SGCZ: variants seen among roughly 807,000 people sequenced by gnomAD.
The protein encoded by SGCZ is zeta-sarcoglycan.
In SGCZ, 40 loss-of-function variants were observed where a neutral mutation model predicts 41.3. That is an observed-to-expected ratio of 0.97 (90% CI 0.75 to 1.26). The LOEUF (loss-of-function observed/expected upper bound fraction) is 1.26, where lower values mean the gene tolerates loss of function less well. Ranked by LOEUF, SGCZ falls within the 50% of genes most tolerant of loss-of-function variation. The pLI, the probability that SGCZ is intolerant of heterozygous loss-of-function variation, is 0.00. For missense variants in SGCZ, 552 were observed against 369.8 expected, an observed-to-expected ratio of 1.49 and a Z score of -4.04; for synonymous variants, 206 against 137.5, an observed-to-expected ratio of 1.50 and a Z score of -3.49.
At chr8:14,668,667 G>C (rs904590613) in intron 1 of SGCZ, among the ~76,000 whole-genome samples, 9 of 152,126 alleles carry the variant, frequency 5.9e-5, no homozygotes, top group Non-Finnish European at 1.2e-4. Context: ...GAAGTTATGA[G>C]GAAATATGAA....
intron 2 of SGCZ, among the ~76,000 whole-genome samples, chr8:14,347,465 TTG>T (rs1802928466): frequency 6.6e-6 from 1 of 152,094 alleles, no homozygotes. Flanking sequence ...CTTCAGGAAA[TTG>T]TGTGACTTTT....
At chr8:14,168,701 G>A (rs1175009202) in intron 4 of SGCZ, among the ~76,000 whole-genome samples, 5 of 151,996 alleles carry the variant, frequency 3.3e-5, no homozygotes, top group Admixed American at 6.6e-5. Flanking sequence ...GTGTGAAAAC[G>A]GACTAATACG....
At chr8:14,897,979 T>C (rs748179468) in intron 1 of SGCZ, among the ~76,000 whole-genome samples, 11 of 152,120 alleles carry the variant, frequency 7.2e-5, no homozygotes, top group Non-Finnish European at 1.3e-4. Flanking sequence ...ATTTTAGTGG[T>C]GAAGAAAGAC....
chr8:14,137,697 C>T (rs1292297894), intron 5 of SGCZ, among the ~76,000 whole-genome samples: 2 of 152,152 alleles, frequency 1.3e-5, no homozygotes, highest in Non-Finnish European at 2.9e-5. Context: ...ACCAAATCTA[C>T]GTCTGATTGG....
intron 1 of SGCZ, among the ~76,000 whole-genome samples, chr8:15,213,762 T>C (rs1334264009): frequency 6.6e-6 from 1 of 151,886 alleles, no homozygotes. Flanking sequence ...GATATAATAC[T>C]GTTTTATGTC....
At chr8:14,167,253 A>G (rs1258328531) in intron 4 of SGCZ, among the ~76,000 whole-genome samples, 1 of 152,136 alleles carries the variant, frequency 6.6e-6, no homozygotes, top group African/African-American at 2.4e-5. Context: ...TTTTTCATGT[A>G]ACATCACATG....
At chr8:15,165,602 T>C (rs1243957340) in intron 1 of SGCZ, among the ~76,000 whole-genome samples, 11 of 152,188 alleles carry the variant, frequency 7.2e-5, no homozygotes, top group African/African-American at 2.7e-4. Context: ...CTTACCAAGT[T>C]TTACCTTGAA....
intron 1 of SGCZ, among the ~76,000 whole-genome samples, chr8:14,671,087 T>G (rs1808086828): frequency 6.6e-6 from 1 of 152,242 alleles, no homozygotes. Context: ...CTTCAGTGTC[T>G]CTGGATTTAT....
chr8:14,774,769 A>C (rs1231800611), intron 1 of SGCZ, among the ~76,000 whole-genome samples: 2 of 152,236 alleles, frequency 1.3e-5, no homozygotes, highest in Non-Finnish European at 2.9e-5. Context: ...TATTCAAACC[A>C]ACATGAACAA....
intron 1 of SGCZ, among the ~76,000 whole-genome samples, chr8:15,010,407 T>C (rs542512145): frequency 5.3e-5 from 8 of 152,360 alleles, no homozygotes; most frequent in South Asian, 4.1e-4. Context: ...TACATTATGT[T>C]ACTATGTTTT....
intron 5 of SGCZ, among the ~76,000 whole-genome samples, chr8:14,112,099 C>G (rs553204509): frequency 6.6e-6 from 1 of 152,180 alleles, no homozygotes; most frequent in African/African-American, 2.4e-5. Context: ...ACCCAAGAAG[C>G]ACCAGAGAGA....
chr8:14,640,974 T>C (rs1274303193), intron 1 of SGCZ, among the ~76,000 whole-genome samples: 1 of 151,688 alleles, frequency 6.6e-6, no homozygotes, highest in African/African-American at 2.4e-5. Context: ...TTAATGTTGG[T>C]ATGAAATCTT....
intron 2 of SGCZ, among the ~76,000 whole-genome samples, chr8:14,477,988 CAAGT>C (rs1226030230): frequency 6.6e-6 from 1 of 152,084 alleles, no homozygotes; most frequent in Admixed American, 6.6e-5. Flanking sequence ...TTTAATTTTC[CAAGT>C]AAGTGCAGAA....
At chr8:14,594,177 AAAATAAATAAATAAATAAATAAATAAAT>A (rs147529594) in intron 1 of SGCZ, among the ~76,000 whole-genome samples, 1 of 136,186 alleles carries the variant, frequency 7.3e-6, no homozygotes, top group Non-Finnish European at 1.6e-5. Context: ...TCCATCTCAA[AAAATAAATAAATAAATAAATAAATAAAT>A]AAATAAATAA....
intron 1 of SGCZ, among the ~76,000 whole-genome samples, chr8:14,965,037 T>C (rs935376737): frequency 7.2e-5 from 11 of 152,036 alleles, no homozygotes; most frequent in Admixed American, 3.9e-4. Context: ...TGTCCCCCAT[T>C]CCCGAGGTAA....
At chr8:14,396,546 TA>T (rs1423146486) in intron 2 of SGCZ, among the ~76,000 whole-genome samples, 2 of 152,056 alleles carry the variant, frequency 1.3e-5, no homozygotes, top group Non-Finnish European at 2.9e-5. Flanking sequence ...CATAAACATG[TA>T]AACTTTCTCT....
Position 14,490,503 on chromosome 8 carries a change from T to G in SGCZ, c.234+64229A>C, listed in dbSNP as rs139709499. On this transcript the variant is annotated intron_variant, in intron 2 of 7. Transcript: ENST00000382080. The stretch of plus-strand genomic sequence containing the variant: ...GTAGGAAACACACTGCAAAATGAGG[T>G]CTGATTCTCATCCCCTTACTCTTAA... Among the ~76,000 whole-genome samples the G allele has an allele frequency of 8.9e-3, 1,349 of 152,268 alleles. 21 individuals are homozygous for G. The highest frequency in any genetic ancestry group is 0.031 in the African/African-American group (1,284 of 41,560).
rs546819340 is a variant in SGCZ, at chr8:14,738,878, T to C, written c.40-183952A>G. 3.9e-5 allele frequency among the ~76,000 whole-genome samples: 6 copies of C among 152,154 alleles called. 1 individual carries two copies. In the South Asian group the frequency reaches 1.2e-3, roughly 32 times the overall value. On this transcript the variant is annotated intron_variant, in intron 1 of 7. Coordinates refer to ENST00000382080, the MANE Select transcript of SGCZ (RefSeq NM_139167.4). ...GAAATTGGAACAGCCTGAATTGCTT[T>C]GCCTACTGCAGATAAGAGACTCCCC...
At chr8:14,795,089 A>T (rs1801081066) in intron 1 of SGCZ, among the ~76,000 whole-genome samples, 1 of 152,200 alleles carries the variant, frequency 6.6e-6, no homozygotes, top group South Asian at 2.1e-4. Context: ...TAGATAAAGG[A>T]AACAGAAGAC....
Sources: allele counts gnomAD v4.1 joint callset (sites outside exome capture counted in the v4.1 genomes callset), GRCh38; gene constraint gnomAD v4.1.1; transcripts MANE v1.5; gene names NCBI Gene and HGNC (gene_info 2026-07-23, HGNC 2026-07-21).